The following ZC3H6 variants were observed in gnomAD, a reference collection of about 807,000 sequenced individuals.
ZC3H6 encodes zinc finger CCCH domain-containing protein 6.
Under a neutral mutation model 107.7 loss-of-function variants are expected in ZC3H6, and 40 were observed. That is an observed-to-expected ratio of 0.37 (90% CI 0.29 to 0.48). The LOEUF is 0.48. Among genes scored for constraint, ZC3H6 ranks in the 20% least tolerant of loss-of-function variants. The probability of loss-of-function intolerance (pLI) is 0.98; values close to 1 mark genes in which losing one functional copy is unlikely to be tolerated. For missense variants in ZC3H6, 1,267 were observed against 1,410.4 expected (o/e 0.90, Z 1.63); for synonymous variants, 493 against 487.9 (o/e 1.01, Z -0.14).
chr2:112,292,460 T>G (rs1676141325), intron 1 of ZC3H6, among the ~76,000 whole-genome samples: 1 of 152,228 alleles, frequency 6.6e-6, no homozygotes, highest in Non-Finnish European at 1.5e-5. Context: ...ATTAGAAGAC[T>G]GTGAGACAAG....
Position 112,324,277 on chromosome 2 carries a change from A to T in ZC3H6, c.1466A>T (p.His489Leu), listed in dbSNP as rs774133004. 6.2e-7 allele frequency: 1 copy of T among 1,613,864 alleles called. No homozygotes were observed. The highest frequency in any genetic ancestry group is 1.3e-5 in the African/African-American group (1 of 74,940). Residue 489 changes from histidine to leucine, a missense_variant, in exon 10 of 12, where the codon CAC becomes CTC. Physicochemically the swap from His to Leu is moderately conservative, Grantham distance 99. Transcript: ENST00000409871. ...CCTGGACCTAACATGTCTCAGGGACACAGTAGTCCTGTGATGCACCCAGGC... is the reference window on the plus strand; with the variant it reads ...CCTGGACCTAACATGTCTCAGGGACTCAGTAGTCCTGTGATGCACCCAGGC... The part of the protein sequence containing the change: ...PGPGPNMSQG[H>L]SSPVMHPGSP...
intron 3 of ZC3H6, among the ~76,000 whole-genome samples, chr2:112,309,476 A>G (rs1449702062): frequency 6.6e-6 from 1 of 152,072 alleles, no homozygotes; most frequent in Non-Finnish European, 1.5e-5. Context: ...TAATTTGAGA[A>G]TTTTCCAGTG....
intron 2 of ZC3H6, among the ~76,000 whole-genome samples, chr2:112,301,063 T>C (rs1047934049): frequency 1.3e-5 from 2 of 152,046 alleles, no homozygotes; most frequent in African/African-American, 2.4e-5. Context: ...ACAGCATCAG[T>C]ACAAATGAAG....
rs557930808 is a variant in ZC3H6, at chr2:112,334,604, A to G, written c.*2116A>G. The G allele has an allele frequency of 2.6e-5, 4 of 152,594 alleles. No homozygotes were observed. In the South Asian group the frequency reaches 6.2e-4, roughly 24 times the overall value. 9.5% of individuals were successfully genotyped at this position (152,594 alleles called of 1,614,324 possible). ...TACCTCAATTGGTGTTCTAGAGGCT[A>G]TTTTACAAGAAAGTTTGAACTTAGT... On this transcript the variant is annotated 3_prime_UTR_variant, in exon 12 of 12. Transcript: ENST00000409871.
Position 112,332,382 on chromosome 2 carries a change from G to A in ZC3H6, c.3464G>A (p.Gly1155Glu). Residue 1155 changes from glycine to glutamate, a missense_variant, in exon 12 of 12, where the codon GGA becomes GAA. By Grantham distance (98) the Gly-to-Glu change is moderately conservative. This residue lies in a region of ZC3H6 where 925 missense variants were observed against 1,025.7 expected (regional missense o/e 0.90). Coordinates refer to ENST00000409871, the MANE Select transcript of ZC3H6 (RefSeq NM_198581.3). ...YSDPRQARQP[G>E]QGSPTPDNDP... Reference sequence around the variant, plus strand: ...GATCCAAGGCAGGCAAGGCAGCCAGGACAGGGGAGCCCGACCCCAGATAAT... The same window carrying A: ...GATCCAAGGCAGGCAAGGCAGCCAGAACAGGGGAGCCCGACCCCAGATAAT... 5 of 1,613,774 alleles carry A rather than the reference G, an allele frequency of 3.1e-6. No individual in the cohort carries two copies. The South Asian group carries it at 4.4e-5, about 14-fold the overall frequency.
In ZC3H6 at chr2:112,339,045, C is replaced by G. The variant is rs1677195716; in HGVS notation, c.*6557C>G. The G allele has an allele frequency of 6.6e-6, 1 of 151,542 alleles. No homozygotes were observed. Among genetic ancestry groups the G allele is most frequent in the Non-Finnish European group, 1.5e-5 (1 of 67,834 alleles). The allele number at this position is 151,542 out of a possible 1,614,324, so 9.4% of individuals were successfully genotyped here. Reference sequence around the variant, plus strand: ...TAGCTGGAATTACAGACGCCTGCCACCACACCCAGCTAATTTTTCGTATTT... The same window carrying G: ...TAGCTGGAATTACAGACGCCTGCCAGCACACCCAGCTAATTTTTCGTATTT... On this transcript the variant is annotated 3_prime_UTR_variant, in exon 12 of 12. Transcript: ENST00000409871.
At chr2:112,317,198 CTT>C (rs564035069) in intron 6 of ZC3H6, 21 bp from the exon 7 acceptor site, 5,114 of 1,010,248 alleles carry the variant, frequency 5.1e-3, no homozygotes, top group South Asian at 8.7e-3. Context: ...TTTCTTTTTT[CTT>C]TTTTTTTTTT....
chr2:112,332,520 T>A lies in ZC3H6; in HGVS notation c.*32T>A. On this transcript the variant is annotated 3_prime_UTR_variant, in exon 12 of 12. Coordinates refer to ENST00000409871, the MANE Select transcript of ZC3H6 (RefSeq NM_198581.3). ...TGTAACTGAGCAATTCTTTTCACTC[T>A]TGTGACTATCTCAGTCCTCTGCTGT... 1 of 1,568,974 alleles carries A rather than the reference T, an allele frequency of 6.4e-7. No homozygotes were observed. Among genetic ancestry groups the A allele is most frequent in the Non-Finnish European group, 8.6e-7 (1 of 1,159,030 alleles).
At chr2:112,293,138 A>T (rs1464610031) in intron 1 of ZC3H6, among the ~76,000 whole-genome samples, 1 of 152,212 alleles carries the variant, frequency 6.6e-6, no homozygotes, top group African/African-American at 2.4e-5. Context: ...TTGGGTAGAG[A>T]TACCTTGCAT....
chr2:112,313,521 A>G (rs180924015), intron 5 of ZC3H6, among the ~76,000 whole-genome samples: 39 of 152,330 alleles, frequency 2.6e-4, no homozygotes, highest in Admixed American at 2.6e-3. Context: ...AGGGTATAGT[A>G]TTAAGTTAAC....
At chr2:112,326,617 T>C (rs747741527) in intron 11 of ZC3H6, among the ~76,000 whole-genome samples, 20 of 152,030 alleles carry the variant, frequency 1.3e-4, no homozygotes, top group Admixed American at 6.6e-5. Flanking sequence ...CTGTTTTTTG[T>C]TTTGTTTTGT....
At chr2:112,285,518 G>A (rs553287356) in intron 1 of ZC3H6, among the ~76,000 whole-genome samples, 29 of 151,986 alleles carry the variant, frequency 1.9e-4, no homozygotes, top group African/African-American at 6.7e-4. Flanking sequence ...CGCCACGCCC[G>A]GCTAATTTTT....
intron 3 of ZC3H6, among the ~76,000 whole-genome samples, chr2:112,307,410 T>G (rs1039934591): frequency 6.6e-6 from 1 of 152,192 alleles, no homozygotes; most frequent in African/African-American, 2.4e-5. Flanking sequence ...CTGCAGACAT[T>G]CTAGCAGTTT....
At chr2:112,316,257 TAGAA>T (rs1241210258) in intron 5 of ZC3H6, among the ~76,000 whole-genome samples, 2 of 121,994 alleles carry the variant, frequency 1.6e-5, no homozygotes, top group Non-Finnish European at 3.2e-5. Flanking sequence ...TTCATTAAAA[TAGAA>T]AGAAATAGGC....
chr2:112,314,868 T>G (rs1366080409), intron 5 of ZC3H6, among the ~76,000 whole-genome samples: 1 of 152,206 alleles, frequency 6.6e-6, no homozygotes, highest in African/African-American at 2.4e-5. Context: ...AAATTAGGTA[T>G]GTTTATATTT....
chr2:112,280,240 C>T (rs1686502032), intron 1 of ZC3H6, among the ~76,000 whole-genome samples: 1 of 152,192 alleles, frequency 6.6e-6, no homozygotes, highest in African/African-American at 2.4e-5. Context: ...GAGTAAATAA[C>T]TTTCCTGACT....
At chr2:112,281,605 A>G (rs1686527818) in intron 1 of ZC3H6, among the ~76,000 whole-genome samples, 1 of 152,260 alleles carries the variant, frequency 6.6e-6, no homozygotes, top group Admixed American at 6.5e-5. Flanking sequence ...AGAATGAACC[A>G]AAGCTATTGT....
Position 112,303,247 on chromosome 2 carries a change from G to A in ZC3H6, c.232G>A (p.Asp78Asn). Residue 78 changes from aspartate to asparagine, a missense_variant, in exon 3 of 12, where the codon GAT (aspartate) becomes AAT (asparagine). By Grantham distance (23) the Asp-to-Asn change is conservative. Transcript: ENST00000409871. Reference protein sequence around the residue: ...EKHKHNSPSSDDSSDYSLDSD... With the variant: ...EKHKHNSPSSNDSSDYSLDSD... ...CCTTCAGCATAATTCCCCATCTAGT[G>A]ATGATAGTTCGGACTACAGCCTTGA... 6.2e-7 allele frequency: 1 copy of A among 1,611,268 alleles called. No individual in the cohort carries two copies. The highest frequency in any genetic ancestry group is 1.3e-5 in the African/African-American group (1 of 74,834).
intron 1 of ZC3H6, among the ~76,000 whole-genome samples, chr2:112,294,942 T>A (rs537040728): frequency 6.4e-4 from 97 of 152,318 alleles, no homozygotes; most frequent in African/African-American, 2.3e-3. Flanking sequence ...AACAGCTTTA[T>A]TGAGATACAT....
Sources: gnomAD v4.1 joint callset for allele counts (sites outside exome capture counted in the v4.1 genomes callset) on GRCh38, gnomAD v4.1.1 for gene constraint, gnomAD v4.1.1 regional missense constraint, MANE v1.5 for transcripts, NCBI Gene and HGNC (gene_info 2026-07-23, HGNC 2026-07-21) for gene names.